The following SLC4A1AP variants were observed in gnomAD, a reference collection of about 807,000 sequenced individuals.
SLC4A1AP encodes solute carrier family 4 member 1 adaptor protein, also known as kanadaptin.
A neutral mutation model predicts 89.7 loss-of-function variants in SLC4A1AP; 64 were observed. That is an observed-to-expected ratio of 0.71 (90% CI 0.58 to 0.88). The LOEUF is 0.88. Ranked by LOEUF, SLC4A1AP falls within the 40% of genes least tolerant of loss-of-function variation. The pLI, the probability that SLC4A1AP is intolerant of heterozygous loss-of-function variation, is 0.00. For synonymous variants in SLC4A1AP, 366 were observed against 353.3 expected (o/e 1.04, Z -0.40); for missense variants, 931 against 965.0 (o/e 0.96, Z 0.47).
chr2:27,685,441 C>T (rs969759554), intron 10 of SLC4A1AP, among the ~76,000 whole-genome samples, 164 bp downstream of exon 10: 5 of 152,166 alleles, frequency 3.3e-5, no homozygotes, highest in East Asian at 1.9e-4. Context: ...TTCCTTTGAC[C>T]GCCAGTCATT....
In SLC4A1AP at chr2:27,687,907, A is replaced by G. The variant is rs1488471737; in HGVS notation, c.2117-27A>G. On this transcript the variant is annotated intron_variant, in intron 10 of 13. Coordinates refer to ENST00000613058, the Ensembl canonical transcript of SLC4A1AP. ...TTTCCACCATGAATTAAATCATGAC[A>G]ATATGATTTGATATTGCTTTTTATA... 2.0e-6 allele frequency: 3 copies of G among 1,537,940 alleles called. No individual in the cohort carries two copies. In the African/African-American group the frequency reaches 4.1e-5, roughly 21 times the overall value.
chr2:27,663,951 T>A (rs752483372), exon 1 of SLC4A1AP: 2 of 1,614,132 alleles, frequency 1.2e-6, no homozygotes, highest in East Asian at 2.2e-5. Flanking sequence ...GACCCTGGCG[T>A]CGCAAGACCT....
intron 1 of SLC4A1AP, among the ~76,000 whole-genome samples, 194 bp from the exon 2 acceptor site, chr2:27,664,903 TAAA>T (rs60597294): frequency 7.2e-6 from 1 of 138,970 alleles, no homozygotes; most frequent in African/African-American, 2.6e-5. Flanking sequence ...CCCTGTCTCT[TAAA>T]AAAAAAAAAA....
exon 1 of SLC4A1AP, chr2:27,664,185 C>T (rs1675257459): frequency 9.3e-6 from 15 of 1,614,068 alleles, no homozygotes; most frequent in African/African-American, 1.3e-5. Flanking sequence ...GGTTTCTTCC[C>T]CTGGCGGTCC....
intron 8 of SLC4A1AP, among the ~76,000 whole-genome samples, chr2:27,680,700 T>C (rs1336596546): frequency 6.6e-6 from 1 of 151,790 alleles, no homozygotes; most frequent in African/African-American, 2.4e-5. Flanking sequence ...GAGGTATCAC[T>C]TGAACCTGGG....
At chr2:27,670,856 G>A (rs1323268018) in intron 5 of SLC4A1AP, among the ~76,000 whole-genome samples, 5 of 150,134 alleles carry the variant, frequency 3.3e-5, no homozygotes, top group South Asian at 2.1e-4. Flanking sequence ...GCAAGACTCC[G>A]TCTCAAAAAT....
At chr2:27,669,132 G>A in intron 4 of SLC4A1AP, 116 bp from the exon 5 acceptor site, 1 of 1,175,000 alleles carries the variant, frequency 8.5e-7, no homozygotes. Flanking sequence ...GAACAAGATG[G>A]ATTCAAAGAC....
In SLC4A1AP at chr2:27,676,667, A is replaced by C. The variant is rs376511699; in HGVS notation, c.1507-628A>C. 3.2e-4 allele frequency among the ~76,000 whole-genome samples: 48 copies of C among 151,662 alleles called. No individual in the cohort carries two copies. In the East Asian group the frequency reaches 3.7e-3, roughly 12 times the overall value. ...TGAAACCCCACCTCTACTAAAAAAA[A>C]AAAAATACAAAAATTAGACAGGCGT... On this transcript the variant is annotated intron_variant, in intron 6 of 13. Coordinates refer to ENST00000613058, the Ensembl canonical transcript of SLC4A1AP.
chr2:27,666,676 G>T (rs545073744), intron 2 of SLC4A1AP, among the ~76,000 whole-genome samples: 16 of 151,584 alleles, frequency 1.1e-4, no homozygotes, highest in Non-Finnish European at 2.2e-4. Flanking sequence ...TCCACAATGT[G>T]GTAGGTAATT....
At chr2:27,677,960 A>G (rs781742579) in intron 8 of SLC4A1AP, 36 bp downstream of exon 8, 6 of 1,322,810 alleles carry the variant, frequency 4.5e-6, no homozygotes, top group Non-Finnish European at 5.2e-6. Flanking sequence ...CTAAATAAGT[A>G]TGGTAGCATA....
chr2:27,688,583 T>C, intron 11 of SLC4A1AP, 117 bp from the exon 12 acceptor site: 1 of 680,688 alleles, frequency 1.5e-6, no homozygotes, highest in Admixed American at 3.2e-5. Flanking sequence ...TGTTGAGAAT[T>C]GCATTGTCAT....
At chr2:27,666,676 G>A (rs545073744) in intron 2 of SLC4A1AP, among the ~76,000 whole-genome samples, 1 of 151,470 alleles carries the variant, frequency 6.6e-6, no homozygotes, top group African/African-American at 2.4e-5. Flanking sequence ...TCCACAATGT[G>A]GTAGGTAATT....
chr2:27,693,660 A>G lies in SLC4A1AP; in HGVS notation c.2272-25A>G, dbSNP rs374611054. The G allele has an allele frequency of 1.5e-5, 23 of 1,564,282 alleles. No homozygotes were observed. In the African/African-American group the frequency reaches 2.6e-4, roughly 18 times the overall value. ...TTTCTGGAGAGAAATTCTTGTGAAT[A>G]AAACAATCCATCTTTTCTTTTTAGC... On this transcript the variant is annotated intron_variant, in intron 12 of 13. Coordinates refer to ENST00000613058, the Ensembl canonical transcript of SLC4A1AP.
intron 3 of SLC4A1AP, among the ~76,000 whole-genome samples, chr2:27,667,635 TA>T (rs1331118468): frequency 6.6e-6 from 1 of 152,138 alleles, no homozygotes; most frequent in Non-Finnish European, 1.5e-5. Flanking sequence ...AAAAAGGAAG[TA>T]CTTTTTCCTG....
exon 10 of SLC4A1AP, chr2:27,685,252 A>G: frequency 6.2e-6 from 10 of 1,611,548 alleles, no homozygotes; most frequent in Non-Finnish European, 7.6e-6. Context: ...CAGATCTCAC[A>G]CATTTTAAAG....
rs182259750 is a variant in SLC4A1AP, at chr2:27,691,209, A to T, written c.2271+2442A>T. On this transcript the variant is annotated intron_variant, in intron 12 of 13. Coordinates refer to ENST00000613058, the Ensembl canonical transcript of SLC4A1AP. ...TGGTGGTAATATTTTTTAATTACTG[A>T]CTCAATCTCACTGCTTTTTATTGGT... Among the ~76,000 whole-genome samples the T allele has an allele frequency of 1.3e-4, 20 of 151,754 alleles. No individual in the cohort carries two copies. The East Asian group carries it at 3.9e-3, about 29-fold the overall frequency.
chr2:27,694,159 C>T (rs1255799829), intron 13 of SLC4A1AP, among the ~76,000 whole-genome samples: 1 of 151,952 alleles, frequency 6.6e-6, no homozygotes, highest in Non-Finnish European at 1.5e-5. Flanking sequence ...CACAAGACAA[C>T]CAATTGTTGT....
chr2:27,688,566 A>G, intron 11 of SLC4A1AP, 134 bp from the exon 12 acceptor site: 2 of 623,138 alleles, frequency 3.2e-6, no homozygotes, highest in Admixed American at 3.4e-5. Context: ...ACAGCAGTAG[A>G]AGGAATTGTT....
intron 9 of SLC4A1AP, among the ~76,000 whole-genome samples, chr2:27,684,341 T>A (rs1245765707): frequency 6.6e-6 from 1 of 150,398 alleles, no homozygotes; most frequent in Non-Finnish European, 1.5e-5. Flanking sequence ...GGCAGGAGAA[T>A]CGCTTGAACC....
Sources: allele counts gnomAD v4.1 joint callset (sites outside exome capture counted in the v4.1 genomes callset), GRCh38; gene constraint gnomAD v4.1.1; transcripts MANE v1.5; gene names NCBI Gene and HGNC (gene_info 2026-07-23, HGNC 2026-07-21).